CCDC144A: variants seen among roughly 807,000 people sequenced by gnomAD.
CCDC144A encodes the protein coiled-coil domain-containing protein 144A.
CCDC144A carries 41 observed loss-of-function variants against 143.8 expected under a neutral mutation model. The ratio of observed to expected loss-of-function variants is 0.29; its 90% confidence interval spans 0.22 to 0.37. CCDC144A has a LOEUF of 0.37. CCDC144A is among the 10% of genes least tolerant of loss of function. The pLI is 1.00. For synonymous variants in CCDC144A, 242 were observed against 517.9 expected, an observed-to-expected ratio of 0.47 and a Z score of 7.23; for missense variants, 637 against 1,488.8, an observed-to-expected ratio of 0.43 and a Z score of 9.41.
At chr17:16,687,630 C>T (rs141803621), upstream of CCDC144A, among the ~76,000 whole-genome samples, 458 of 152,198 alleles carry the variant, frequency 3.0e-3, 3 homozygotes, top group African/African-American at 0.01. Flanking sequence ...TCCTCTTCCC[C>T]ACTGAGGGGC....
intron 2 of CCDC144A, among the ~76,000 whole-genome samples, 179 bp downstream of exon 2, chr17:16,693,228 T>C (rs1911191572): frequency 1.3e-5 from 2 of 152,156 alleles, no homozygotes; most frequent in African/African-American, 2.4e-5. Context: ...TTGTAGGTCA[T>C]TTATTTTTTC....
chr17:16,719,866 C>G (rs556149163), intron 6 of CCDC144A, among the ~76,000 whole-genome samples: 1 of 152,004 alleles, frequency 6.6e-6, no homozygotes. Context: ...TGAGAAGACC[C>G]TGGTATATTT....
intron 12 of CCDC144A, among the ~76,000 whole-genome samples, chr17:16,756,703 A>G (rs943577906): frequency 6.6e-6 from 1 of 151,296 alleles, no homozygotes; most frequent in Non-Finnish European, 1.5e-5. Context: ...TTGATTTTTC[A>G]TACTTCTTGT....
intron 12 of CCDC144A, among the ~76,000 whole-genome samples, chr17:16,741,283 G>C (rs1446783985): frequency 6.6e-6 from 1 of 152,062 alleles, no homozygotes; most frequent in Non-Finnish European, 1.5e-5. Flanking sequence ...AGCTTCACTT[G>C]GGATAAATCA....
rs1912259578 is a variant in CCDC144A, at chr17:16,709,429, A to G, written c.1372A>G (p.Ser458Gly). ...AATGACAAAAAATATGAACCAAAAT[A>G]GTGACAGTGGCAGTACAAACAACTA... ...LQMTKNMNQN[S>G]DSGSTNNYKS... The change falls in exon 5 of 17, where the codon AGT (serine) becomes GGT (glycine). Residue 458 changes from serine to glycine, a missense_variant. By Grantham distance (56) the Ser-to-Gly change is moderately conservative. Coordinates refer to ENST00000399273, the MANE Select transcript of CCDC144A (RefSeq NM_001382000.1). 1 of 1,611,604 alleles carries G rather than the reference A, an allele frequency of 6.2e-7. No homozygotes were observed. Among genetic ancestry groups the G allele is most frequent in the African/African-American group, 1.3e-5 (1 of 74,852 alleles).
At chr17:16,738,936 C>T (rs1226226636) in intron 12 of CCDC144A, among the ~76,000 whole-genome samples, 2 of 151,088 alleles carry the variant, frequency 1.3e-5, no homozygotes, top group African/African-American at 4.9e-5. Flanking sequence ...CTAATTTCTC[C>T]ACATCCTTGC....
intron 12 of CCDC144A, among the ~76,000 whole-genome samples, chr17:16,740,403 C>T (rs1914206037): frequency 6.6e-6 from 1 of 152,160 alleles, no homozygotes; most frequent in Admixed American, 6.5e-5. Flanking sequence ...TGAATAAATA[C>T]TTCAACCCAT....
At chr17:16,764,227 T>C in intron 15 of CCDC144A, 52 bp downstream of exon 15, 1 of 1,568,170 alleles carries the variant, frequency 6.4e-7, no homozygotes, top group Non-Finnish European at 8.6e-7. Context: ...AATTCTTGTA[T>C]GTTATTTGGT....
chr17:16,718,278 TGA>T (rs1258027957), intron 6 of CCDC144A, among the ~76,000 whole-genome samples: 3 of 151,800 alleles, frequency 2.0e-5, no homozygotes, highest in African/African-American at 7.3e-5. Context: ...GAGAAATGAG[TGA>T]TAACTGAAGA....
chr17:16,682,532 G>C, the CCDC144A span, among the ~76,000 whole-genome samples: 1 of 151,784 alleles, frequency 6.6e-6, no homozygotes, highest in African/African-American at 2.4e-5. Context: ...GTAAATAAAA[G>C]AAAGATAAGT....
the CCDC144A span, among the ~76,000 whole-genome samples, chr17:16,679,187 T>C: frequency 1.3e-5 from 2 of 152,032 alleles, no homozygotes; most frequent in South Asian, 2.1e-4. Context: ...AATGTTTGTG[T>C]TATCCTATAA....
intron 12 of CCDC144A, among the ~76,000 whole-genome samples, chr17:16,759,711 G>A (rs1471360525): frequency 5.9e-5 from 9 of 152,236 alleles, no homozygotes; most frequent in Non-Finnish European, 1.2e-4. Flanking sequence ...GGTCCTTTCA[G>A]CTTCTGATTA....
intron 7 of CCDC144A, 74 bp downstream of exon 7, chr17:16,720,305 T>A (rs996258377): frequency 1.1e-5 from 16 of 1,510,050 alleles, no homozygotes; most frequent in Middle Eastern, 1.7e-4. Context: ...ATGAAAAAAA[T>A]AAGATGTTTT....
chr17:16,769,305 G>A (rs986554816), intron 15 of CCDC144A, among the ~76,000 whole-genome samples: 6 of 152,340 alleles, frequency 3.9e-5, no homozygotes, highest in African/African-American at 1.4e-4. Context: ...GCTGTAGGTA[G>A]AGAGAGTCTA....
chr17:16,678,458 C>G, the CCDC144A span, among the ~76,000 whole-genome samples: 3 of 152,022 alleles, frequency 2.0e-5, no homozygotes, highest in Admixed American at 2.0e-4. Flanking sequence ...TAACACAAGT[C>G]CCTGAGTTGT....
At chr17:16,739,736 G>A (rs1413863723) in intron 12 of CCDC144A, among the ~76,000 whole-genome samples, 1 of 151,910 alleles carries the variant, frequency 6.6e-6, no homozygotes, top group Non-Finnish European at 1.5e-5. Flanking sequence ...GTTTGTTTTT[G>A]GATTCTCAGT....
At chr17:16,711,409 C>T (rs990757568) in intron 5 of CCDC144A, among the ~76,000 whole-genome samples, 41 of 151,526 alleles carry the variant, frequency 2.7e-4, no homozygotes, top group Non-Finnish European at 5.4e-4. Context: ...TAAGAAGGGC[C>T]CTGCTTGAAA....
At chr17:16,687,918 A>C (rs2142734777), upstream of CCDC144A, among the ~76,000 whole-genome samples, 1 of 151,790 alleles carries the variant, frequency 6.6e-6, no homozygotes, top group South Asian at 2.1e-4. Context: ...ACTAACTTTA[A>C]CTACATTAGT....
chr17:16,720,181 T>C lies in CCDC144A; in HGVS notation c.1716-17T>C, dbSNP rs1913007438. On this transcript the variant is annotated splice_polypyrimidine_tract_variant and intron_variant, in intron 6 of 16. Coordinates refer to ENST00000399273, the MANE Select transcript of CCDC144A (RefSeq NM_001382000.1). Reference sequence around the variant, plus strand: ...ATCTTTGCTATTTTTCTAAAAGGAATTGTTTTTTTTTTTCAGGCCTGCAGA... The same window carrying C: ...ATCTTTGCTATTTTTCTAAAAGGAACTGTTTTTTTTTTTCAGGCCTGCAGA... 1.3e-6 allele frequency: 2 copies of C among 1,513,698 alleles called. No homozygotes were observed. Among genetic ancestry groups the C allele is most frequent in the East Asian group, 4.9e-5 (2 of 40,822 alleles). 93.8% of individuals were successfully genotyped at this position (1,513,698 alleles called of 1,614,324 possible).
Sources: allele counts gnomAD v4.1 joint callset (sites outside exome capture counted in the v4.1 genomes callset), GRCh38; gene constraint gnomAD v4.1.1; transcripts MANE v1.5; gene names NCBI Gene and HGNC (gene_info 2026-07-23, HGNC 2026-07-21).